Variants in CHRM3 observed in about 807,000 individuals in gnomAD.
CHRM3 encodes cholinergic receptor muscarinic 3.
In CHRM3, 11 loss-of-function variants were observed where a neutral mutation model predicts 41.8. That is an observed-to-expected ratio of 0.26 (90% confidence interval 0.17 to 0.44). The LOEUF (loss-of-function observed/expected upper bound fraction) is 0.44. Ranked by LOEUF, CHRM3 falls within the 20% of genes least tolerant of loss-of-function variation. The pLI, the probability that CHRM3 is intolerant of heterozygous loss-of-function variation, is 1.00. For missense variants in CHRM3, 571 were observed against 745.4 expected, an observed-to-expected ratio of 0.77 and a Z score of 2.72; for synonymous variants, 297 against 301.4, an observed-to-expected ratio of 0.99 and a Z score of 0.15.
intron 2 of CHRM3, among the ~76,000 whole-genome samples, chr1:239,493,872 G>A (rs189802115): frequency 6.0e-4 from 92 of 152,274 alleles, no homozygotes; most frequent in African/African-American, 2.0e-3. Context: ...TTGGGGCTTA[G>A]CCCAGGAGGG....
chr1:239,626,985 T>C (rs1198762459), intron 3 of CHRM3, among the ~76,000 whole-genome samples: 1 of 119,148 alleles, frequency 8.4e-6, no homozygotes, highest in African/African-American at 3.1e-5. Flanking sequence ...TCTGTTGATT[T>C]GGGGTGGAGA....
intron 6 of CHRM3, among the ~76,000 whole-genome samples, chr1:239,829,808 A>T (rs1296296310): frequency 6.6e-6 from 1 of 152,162 alleles, no homozygotes; most frequent in Non-Finnish European, 1.5e-5. Flanking sequence ...GAATAACAGT[A>T]GTACTTCCCT....
At chr1:239,641,298 G>C (rs1220347421) in intron 4 of CHRM3, among the ~76,000 whole-genome samples, 5 of 151,668 alleles carry the variant, frequency 3.3e-5, no homozygotes, top group African/African-American at 1.2e-4. Flanking sequence ...GTGCAGAGCT[G>C]AGTTCAATTC....
chr1:239,641,021 G>A (rs1359445695), intron 4 of CHRM3, among the ~76,000 whole-genome samples: 1 of 151,978 alleles, frequency 6.6e-6, no homozygotes, highest in Non-Finnish European at 1.5e-5. Flanking sequence ...ATTTCGTTAT[G>A]TACCCAGTAG....
At chr1:239,468,994 C>A (rs1008431007) in intron 1 of CHRM3, among the ~76,000 whole-genome samples, 1 of 151,948 alleles carries the variant, frequency 6.6e-6, no homozygotes, top group East Asian at 1.9e-4. Context: ...TTTATAGACA[C>A]CAAAATTTAT....
At chr1:239,735,875 C>T (rs750212134) in intron 5 of CHRM3, among the ~76,000 whole-genome samples, 5 of 152,098 alleles carry the variant, frequency 3.3e-5, no homozygotes, top group Non-Finnish European at 5.9e-5. Context: ...AGGAGGGTTT[C>T]CTTGGGGATA....
chr1:239,882,773 C>T (rs1344813273), intron 6 of CHRM3, among the ~76,000 whole-genome samples: 1 of 152,208 alleles, frequency 6.6e-6, no homozygotes, highest in Non-Finnish European at 1.5e-5. Context: ...GGCCACGTGA[C>T]CTAGTGTTTT....
chr1:239,674,466 T>G (rs1200174933), intron 4 of CHRM3, among the ~76,000 whole-genome samples: 2 of 152,066 alleles, frequency 1.3e-5, no homozygotes, highest in African/African-American at 2.4e-5. Context: ...TCTCAGCACT[T>G]TGGGAGGCCC....
At chr1:239,666,208 C>T (rs747347273) in intron 4 of CHRM3, among the ~76,000 whole-genome samples, 18 of 148,374 alleles carry the variant, frequency 1.2e-4, no homozygotes, top group South Asian at 6.4e-4. Flanking sequence ...TTTTTTTTGG[C>T]GGGGGGGATG....
chr1:239,466,070 T>C (rs1051821796), intron 1 of CHRM3, among the ~76,000 whole-genome samples: 2 of 152,204 alleles, frequency 1.3e-5, no homozygotes, highest in African/African-American at 4.8e-5. Flanking sequence ...CTCCGCTCAC[T>C]GCAGCCTCCA....
chr1:239,852,053 A>T (rs1674740221), intron 6 of CHRM3, among the ~76,000 whole-genome samples: 1 of 152,032 alleles, frequency 6.6e-6, no homozygotes, highest in Non-Finnish European at 1.5e-5. Flanking sequence ...TATCATCCTT[A>T]CTGTCCTTTA....
At chr1:239,455,931 C>A (rs1272364285) in intron 1 of CHRM3, among the ~76,000 whole-genome samples, 1 of 152,124 alleles carries the variant, frequency 6.6e-6, no homozygotes, top group Non-Finnish European at 1.5e-5. Flanking sequence ...CAAGCATTGA[C>A]AAGGAAGAAG....
In CHRM3 at chr1:239,621,421, A is replaced by C. The variant is rs576865652; in HGVS notation, c.-312-10803A>C. On this transcript the variant is annotated intron_variant, in intron 3 of 6. Transcript: ENST00000676153. ...AAACTAGAAATAACGAAGCTGAGTG[A>C]GGGTGCCATGTGGAAAGCTGAGACA... 8.5e-4 allele frequency among the ~76,000 whole-genome samples: 130 copies of C among 152,210 alleles called. 1 individual carries two copies. Among genetic ancestry groups the C allele is most frequent in the Non-Finnish European group, 1.5e-3 (102 of 68,036 alleles).
intron 4 of CHRM3, among the ~76,000 whole-genome samples, chr1:239,669,622 A>G (rs1276299434): frequency 6.6e-6 from 1 of 152,162 alleles, no homozygotes; most frequent in African/African-American, 2.4e-5. Context: ...ATAAAAGGGG[A>G]AAAAAATTCT....
intron 5 of CHRM3, among the ~76,000 whole-genome samples, chr1:239,766,594 A>G (rs1311940293): frequency 6.6e-6 from 1 of 152,210 alleles, no homozygotes; most frequent in Non-Finnish European, 1.5e-5. Flanking sequence ...GATACAAAAT[A>G]CAAACGAAGT....
Position 239,680,190 on chromosome 1 carries a change from A to G in CHRM3, c.-147+1902A>G, listed in dbSNP as rs956279241. ...TCCTGTTCAATCCGTGCTTCATCCA[A>G]TAGCCAGAGTAATTGTCTTTATAGA... On this transcript the variant is annotated intron_variant, in intron 5 of 6. Transcript: ENST00000676153. Among the ~76,000 whole-genome samples, 54 of 152,034 alleles carry G rather than the reference A, an allele frequency of 3.6e-4. 1 individual carries two copies. The highest frequency in any genetic ancestry group is 1.5e-4 in the Non-Finnish European group (10 of 68,010).
chr1:239,490,276 A>G (rs1667470157), intron 1 of CHRM3, among the ~76,000 whole-genome samples: 2 of 152,162 alleles, frequency 1.3e-5, no homozygotes, highest in South Asian at 2.1e-4. Flanking sequence ...GCAGTTGTGT[A>G]TATGTTAAGC....
intron 5 of CHRM3, among the ~76,000 whole-genome samples, chr1:239,679,326 T>C (rs1421602290): frequency 9.2e-5 from 14 of 152,100 alleles, no homozygotes; most frequent in Admixed American, 9.2e-4. Flanking sequence ...CAGAAGTATG[T>C]TGAAAATGAA....
chr1:239,439,981 C>G (rs191156929), intron 1 of CHRM3, among the ~76,000 whole-genome samples: 1 of 151,760 alleles, frequency 6.6e-6, no homozygotes, highest in Non-Finnish European at 1.5e-5. Context: ...AGGCGGATCA[C>G]GAGGTTAGGA....
Sources: gnomAD v4.1 joint callset for allele counts (sites outside exome capture counted in the v4.1 genomes callset) on GRCh38, gnomAD v4.1.1 for gene constraint, MANE v1.5 for transcripts, NCBI Gene and HGNC (gene_info 2026-07-23, HGNC 2026-07-21) for gene names.